Variants in CEP95 observed in about 807,000 individuals in gnomAD.
The protein encoded by CEP95 is centrosomal protein of 95 kDa.
CEP95 carries 98 observed loss-of-function variants against 111.2 expected under a neutral mutation model. That is an observed-to-expected ratio of 0.88 (90% CI 0.75 to 1.04). The LOEUF (loss-of-function observed/expected upper bound fraction) is 1.04. Ranked by LOEUF, CEP95 falls within the 50% of genes least tolerant of loss-of-function variation. The probability of loss-of-function intolerance (pLI) is 0.00; values close to 1 mark genes in which losing one functional copy is unlikely to be tolerated. For missense variants in CEP95, 1,027 were observed against 977.2 expected, an observed-to-expected ratio of 1.05 and a Z score of -0.68; for synonymous variants, 323 against 327.1, an observed-to-expected ratio of 0.99 and a Z score of 0.14.
At chr17:64,533,235 T>C (rs781785694) in intron 16 of CEP95, 44 bp downstream of exon 16, 22 of 1,475,692 alleles carry the variant, frequency 1.5e-5, no homozygotes, top group Middle Eastern at 1.8e-4. Flanking sequence ...GAATTTGTTA[T>C]ATTCATTCCC....
chr17:64,537,797 G>C lies in CEP95; in HGVS notation c.*18G>C. Reference sequence around the variant, plus strand: ...CCCTATGAGGCCAGACTTGATAATAGTAGGTGAAGGTTCTGGAGGCCTTTA... The same window carrying C: ...CCCTATGAGGCCAGACTTGATAATACTAGGTGAAGGTTCTGGAGGCCTTTA... On this transcript the variant is annotated 3_prime_UTR_variant, in exon 20 of 20. Coordinates refer to ENST00000556440, the MANE Select transcript of CEP95 (RefSeq NM_138363.3). The C allele has an allele frequency of 2.0e-6, 3 of 1,516,818 alleles. No individual in the cohort carries two copies. In the Admixed American group the frequency reaches 6.1e-5, roughly 31 times the overall value. The allele number at this position is 1,516,818 out of a possible 1,614,324, so 94.0% of individuals were successfully genotyped here.
intron 3 of CEP95, among the ~76,000 whole-genome samples, chr17:64,511,547 A>G (rs1160846862): frequency 6.6e-6 from 1 of 152,174 alleles, no homozygotes; most frequent in Non-Finnish European, 1.5e-5. Context: ...TTCCCTGAAC[A>G]ATTGCTGTTA....
In CEP95 at chr17:64,514,320, A is replaced by G. The variant is rs1555675881; in HGVS notation, c.329A>G (p.Tyr110Cys). 6 of 1,524,508 alleles carry G rather than the reference A, an allele frequency of 3.9e-6. No homozygotes were observed. In the East Asian group the frequency reaches 1.2e-4, roughly 31 times the overall value. The allele number at this position is 1,524,508 out of a possible 1,614,324, so 94.4% of individuals were successfully genotyped here. ...GAAATATTTGATGGTTTGTTGGAGTATCTTACAGAACGCATCAGTGAAACA... is the reference window on the plus strand; with the variant it reads ...GAAATATTTGATGGTTTGTTGGAGTGTCTTACAGAACGCATCAGTGAAACA... ...LLEIFDGLLE[Y>C]LTERISETSH... The change falls in exon 4 of 20, where the codon TAT becomes TGT. Residue 110 changes from tyrosine (Y) to cysteine (C), a missense_variant. Coordinates refer to ENST00000556440, the MANE Select transcript of CEP95 (RefSeq NM_138363.3).
chr17:64,522,514 A>T (rs1598213457), intron 7 of CEP95, among the ~76,000 whole-genome samples, 188 bp from the exon 8 acceptor site: 1 of 151,954 alleles, frequency 6.6e-6, no homozygotes, highest in Non-Finnish European at 1.5e-5. Flanking sequence ...ATTACATCCT[A>T]ATTTAATTAG....
Position 64,522,860 on chromosome 17 carries a change from G to A in CEP95, c.874G>A (p.Val292Ile), listed in dbSNP as rs782087429. Reference protein sequence around the residue: ...YLHSSHCSPAVNSTGEHTEFS... With the variant: ...YLHSSHCSPAINSTGEHTEFS... ...GCATTCAAGTCACTGCTCCCCAGCCGTAAATTCTACTGGAGAGCATACGGA... is the reference window on the plus strand; with the variant it reads ...GCATTCAAGTCACTGCTCCCCAGCCATAAATTCTACTGGAGAGCATACGGA... The change falls in exon 8 of 20, where the codon GTA (valine) becomes ATA (isoleucine). Residue 292 changes from valine to isoleucine, a missense_variant. Transcript: ENST00000556440. 10 of 1,612,282 alleles carry A rather than the reference G, an allele frequency of 6.2e-6. No individual in the cohort carries two copies. The highest frequency in any genetic ancestry group is 2.7e-5 in the African/African-American group (2 of 74,830).
At position 64,531,935 on chromosome 17, in the gene CEP95, T is replaced by C; in HGVS notation, c.1585T>C (p.Cys529Arg). ...GEAVRKGTPE[C>R]SQPWKIYSRK... ...AGCTGTTCGTAAAGGAACTCCAGAA[T>C]GTAGTCAGCCCTGGAAGATTTACTC... Residue 529 changes from cysteine to arginine, a missense_variant, in exon 14 of 20, where the codon TGT (cysteine) becomes CGT (arginine). Cys to Arg is a radical substitution (Grantham distance 180, BLOSUM62 -3). Coordinates refer to ENST00000556440, the MANE Select transcript of CEP95 (RefSeq NM_138363.3). 1.2e-6 allele frequency: 2 copies of C among 1,609,520 alleles called. No homozygotes were observed. The highest frequency in any genetic ancestry group is 1.1e-5 in the South Asian group (1 of 90,122).
intron 2 of CEP95, among the ~76,000 whole-genome samples, chr17:64,509,905 C>CTA (rs149675660): frequency 0.024 from 3,608 of 149,058 alleles, 72 homozygotes; most frequent in African/African-American, 0.056. Context: ...ATCTATATAT[C>CTA]TATATATATA....
At chr17:64,531,402 T>C (rs1968272684) in intron 13 of CEP95, among the ~76,000 whole-genome samples, 3 of 152,178 alleles carry the variant, frequency 2.0e-5, no homozygotes. Flanking sequence ...AACAGAAGTT[T>C]TCATTGCCTT....
intron 17 of CEP95, 152 bp from the exon 18 acceptor site, chr17:64,536,450 G>A: frequency 1.9e-6 from 1 of 533,002 alleles, no homozygotes; most frequent in Non-Finnish European, 3.3e-6. Context: ...ACCTGTCTCA[G>A]AAAAAGGAGG....
chr17:64,520,857 A>G (rs1967274137), intron 6 of CEP95, among the ~76,000 whole-genome samples: 1 of 152,254 alleles, frequency 6.6e-6, no homozygotes, highest in Non-Finnish European at 1.5e-5. Context: ...CTAAAGCTAA[A>G]TAATGAAACA....
intron 8 of CEP95, among the ~76,000 whole-genome samples, chr17:64,523,261 C>T (rs1967511610): frequency 6.6e-6 from 1 of 152,134 alleles, no homozygotes; most frequent in Admixed American, 6.5e-5. Context: ...CTGCCCATAA[C>T]AACTCTGGAG....
At chr17:64,514,416 C>CT (rs1266579210) in intron 4 of CEP95, 58 bp downstream of exon 4, 1 of 758,540 alleles carries the variant, frequency 1.3e-6, no homozygotes, top group Non-Finnish European at 2.3e-6. Context: ...TCCCTTTTGC[C>CT]TTTTATCTTT....
chr17:64,525,648 T>TA, intron 8 of CEP95, 122 bp from the exon 9 acceptor site: 1 of 612,780 alleles, frequency 1.6e-6, no homozygotes, highest in East Asian at 3.1e-5. Flanking sequence ...CAAATGCACT[T>TA]CAAAACACGG....
intron 3 of CEP95, among the ~76,000 whole-genome samples, chr17:64,511,600 AAC>A (rs1383283139): frequency 5.3e-5 from 8 of 152,158 alleles, no homozygotes; most frequent in African/African-American, 1.9e-4. Context: ...ATATTGTTCA[AAC>A]ACACATGCTC....
chr17:64,507,209 G>A (rs1403267097), intron 1 of CEP95, 93 bp downstream of exon 1: 17 of 1,532,678 alleles, frequency 1.1e-5, no homozygotes, highest in Non-Finnish European at 1.5e-5. Flanking sequence ...CTGGGCTGTC[G>A]GCGGGGCTCG....
chr17:64,520,338 G>A, intron 6 of CEP95: 1 of 152,118 alleles, frequency 6.6e-6, no homozygotes, highest in East Asian at 1.9e-4. Context: ...CAAGGTGTTT[G>A]GGTTTGATGT....
chr17:64,532,454 T>TA (rs1968346670), intron 14 of CEP95: 2 of 985,390 alleles, frequency 2.0e-6, no homozygotes, highest in South Asian at 4.7e-5. Flanking sequence ...GGCTTCCTGT[T>TA]ACACCCAAAG....
intron 19 of CEP95, 44 bp downstream of exon 19, chr17:64,537,156 G>C (rs1555681763): frequency 8.2e-6 from 13 of 1,594,524 alleles, no homozygotes; most frequent in Non-Finnish European, 1.0e-5. Context: ...GCATGGCAAT[G>C]TTTCTTTCAG....
At chr17:64,525,431 C>A (rs1269282001) in intron 8 of CEP95, among the ~76,000 whole-genome samples, 1 of 152,164 alleles carries the variant, frequency 6.6e-6, no homozygotes, top group Non-Finnish European at 1.5e-5. Flanking sequence ...GACATTGATA[C>A]AAAAGATAGC....
Sources: allele counts gnomAD v4.1 joint callset (sites outside exome capture counted in the v4.1 genomes callset), GRCh38; gene constraint gnomAD v4.1.1; transcripts MANE v1.5; gene names NCBI Gene and HGNC (gene_info 2026-07-23, HGNC 2026-07-21).